The following SETD3 variants were observed in gnomAD, a reference collection of about 807,000 sequenced individuals.
The protein encoded by SETD3 is SET domain containing 3, actin N3(tau)-histidine methyltransferase.
A neutral mutation model predicts 63.0 loss-of-function variants in SETD3; 19 were observed. The observed-to-expected ratio is 0.30, with a 90% CI of 0.21 to 0.44. The LOEUF (loss-of-function observed/expected upper bound fraction) is 0.44, where lower values mean the gene tolerates loss of function less well. Among genes scored for constraint, SETD3 ranks in the 20% least tolerant of loss-of-function variants. The pLI is 1.00. For missense variants in SETD3, 587 were observed against 728.5 expected (o/e 0.81, Z 2.24); for synonymous variants, 286 against 264.1 (o/e 1.08, Z -0.80).
chr14:99,416,807 T>C (rs887994769), intron 6 of SETD3, among the ~76,000 whole-genome samples: 4 of 152,164 alleles, frequency 2.6e-5, no homozygotes, highest in African/African-American at 4.8e-5. Flanking sequence ...ACAATAAATA[T>C]ATGAAGATGG....
At chr14:99,481,657 G>T (rs1595298991), upstream of SETD3, 3 of 389,880 alleles carry the variant, frequency 7.7e-6, no homozygotes, top group Non-Finnish European at 1.4e-5. Context: ...TGTGGGGCGG[G>T]CGTGTAGAGA....
chr14:99,398,878 T>C lies in SETD3; in HGVS notation c.1586A>G (p.Glu529Gly). 6.2e-7 allele frequency: 1 copy of C among 1,614,190 alleles called. No homozygotes were observed. Among genetic ancestry groups the C allele is most frequent in the Non-Finnish European group, 8.5e-7 (1 of 1,180,018 alleles). The change falls in exon 13 of 13, where the codon GAG becomes GGG. Residue 529 changes from glutamate (E) to glycine (G), a missense_variant. Transcript: ENST00000331768. ...GTTCAAGGCATCCTGCACTCCAGCCTCCTCCTCGAGGTTTCTCAAGACCAG... is the reference window on the plus strand; with the variant it reads ...GTTCAAGGCATCCTGCACTCCAGCCCCCTCCTCGAGGTTTCTCAAGACCAG... Reference protein sequence around the residue: ...LPLVLRNLEEEAGVQDALNIR... With the variant: ...LPLVLRNLEEGAGVQDALNIR...
chr14:99,433,679 C>T (rs1893309180), intron 6 of SETD3, among the ~76,000 whole-genome samples: 1 of 152,124 alleles, frequency 6.6e-6, no homozygotes, highest in South Asian at 2.1e-4. Flanking sequence ...TCTCATGATC[C>T]ACCTGCCTTG....
intron 2 of SETD3, among the ~76,000 whole-genome samples, chr14:99,464,552 C>T (rs1011455040): frequency 2.0e-5 from 3 of 152,150 alleles, no homozygotes; most frequent in African/African-American, 4.8e-5. Context: ...CACACTCCAC[C>T]GGCCAGTAGG....
chr14:99,456,792 T>C (rs1466894182), intron 6 of SETD3, among the ~76,000 whole-genome samples: 1 of 152,218 alleles, frequency 6.6e-6, no homozygotes, highest in Non-Finnish European at 1.5e-5. Flanking sequence ...GCTGCACTAC[T>C]TAGTTAATAC....
chr14:99,435,548 T>C (rs1211327106), intron 6 of SETD3, among the ~76,000 whole-genome samples: 1 of 152,184 alleles, frequency 6.6e-6, no homozygotes, highest in East Asian at 1.9e-4. Flanking sequence ...GCAAGGACTA[T>C]CCTGGGCCAT....
intron 6 of SETD3, among the ~76,000 whole-genome samples, chr14:99,442,089 G>A (rs1291292064): frequency 6.6e-6 from 1 of 152,184 alleles, no homozygotes; most frequent in Non-Finnish European, 1.5e-5. Context: ...CGGCTGTGGA[G>A]GACACAGCAC....
At chr14:99,481,338 G>A, upstream of SETD3, 1 of 398,466 alleles carries the variant, frequency 2.5e-6, no homozygotes, top group Non-Finnish European at 4.4e-6. Context: ...TGGTTGACAG[G>A]CATCCTACTC....
upstream of SETD3, among the ~76,000 whole-genome samples, chr14:99,483,844 G>A (rs368014619): frequency 1.8e-4 from 27 of 152,174 alleles, no homozygotes; most frequent in East Asian, 1.3e-3. Context: ...GCCCTTACTC[G>A]GATTAACACT....
At chr14:99,456,444 ATGT>A (rs1181227103) in intron 6 of SETD3, among the ~76,000 whole-genome samples, 2 of 152,202 alleles carry the variant, frequency 1.3e-5, no homozygotes, top group Non-Finnish European at 2.9e-5. Flanking sequence ...TGCTCTAAGA[ATGT>A]TGTTTTTAAA....
chr14:99,456,419 C>T (rs1346976677), intron 6 of SETD3, among the ~76,000 whole-genome samples: 3 of 152,092 alleles, frequency 2.0e-5, no homozygotes, highest in Non-Finnish European at 4.4e-5. Context: ...GGAATAATTT[C>T]TTTAAAAAGA....
At chr14:99,440,055 C>T (rs1434255107) in intron 6 of SETD3, among the ~76,000 whole-genome samples, 1 of 152,008 alleles carries the variant, frequency 6.6e-6, no homozygotes, top group Admixed American at 6.5e-5. Flanking sequence ...GTGATCTCCC[C>T]ACCCTGGCCT....
intron 6 of SETD3, among the ~76,000 whole-genome samples, chr14:99,446,908 G>T (rs1327128458): frequency 7.1e-6 from 1 of 140,494 alleles, no homozygotes; most frequent in Non-Finnish European, 1.6e-5. Context: ...AGGCTCCAAG[G>T]CAGGGACACA....
chr14:99,450,221 T>G (rs1894382337), intron 6 of SETD3, among the ~76,000 whole-genome samples: 1 of 152,246 alleles, frequency 6.6e-6, no homozygotes, highest in African/African-American at 2.4e-5. Context: ...ATCTTTAAGC[T>G]GATGCCCAGA....
intron 6 of SETD3, among the ~76,000 whole-genome samples, chr14:99,420,812 C>A (rs550937513): frequency 6.6e-6 from 1 of 151,964 alleles, no homozygotes; most frequent in African/African-American, 2.4e-5. Flanking sequence ...CCAAATCTCG[C>A]CCCACCCCCA....
chr14:99,438,876 GA>G (rs1248799277), intron 6 of SETD3, among the ~76,000 whole-genome samples: 2 of 152,130 alleles, frequency 1.3e-5, no homozygotes, highest in Non-Finnish European at 2.9e-5. Flanking sequence ...CCAATACAGG[GA>G]CTTTGCTTTC....
At chr14:99,411,213 A>G (rs1039196066) in intron 8 of SETD3, 1 of 152,218 alleles carries the variant, frequency 6.6e-6, no homozygotes, top group African/African-American at 2.4e-5. Context: ...CAGGTTAGCA[A>G]TGTTTCTGCC....
At chr14:99,428,876 G>A (rs1462599104) in intron 6 of SETD3, among the ~76,000 whole-genome samples, 2 of 152,110 alleles carry the variant, frequency 1.3e-5, no homozygotes, top group African/African-American at 4.8e-5. Context: ...CTTCAGATGA[G>A]ACCACACCCT....
intron 6 of SETD3, among the ~76,000 whole-genome samples, chr14:99,423,628 G>GATGCCATCA (rs1566696954): frequency 1.6e-5 from 1 of 64,502 alleles, no homozygotes; most frequent in East Asian, 5.9e-4. Flanking sequence ...CAGGCACTAA[G>GATGCCATCA]ATGCCATCAG....
Sources: allele counts gnomAD v4.1 joint callset (sites outside exome capture counted in the v4.1 genomes callset), GRCh38; gene constraint gnomAD v4.1.1; transcripts MANE v1.5; gene names NCBI Gene and HGNC (gene_info 2026-07-23, HGNC 2026-07-21).